The following TMEM132C variants were observed in gnomAD, a reference collection of about 807,000 sequenced individuals.
The protein encoded by TMEM132C is transmembrane protein 132C.
Under a neutral mutation model 61.4 loss-of-function variants are expected in TMEM132C, and 29 were observed. That is an observed-to-expected ratio of 0.47 (90% CI 0.35 to 0.64). The LOEUF (loss-of-function observed/expected upper bound fraction) is 0.64. Among genes scored for constraint, TMEM132C ranks in the 30% least tolerant of loss-of-function variants. The probability of loss-of-function intolerance (pLI) is 0.00; values close to 1 mark genes in which losing one functional copy is unlikely to be tolerated. For synonymous variants in TMEM132C, 656 were observed against 633.1 expected, an observed-to-expected ratio of 1.04 and a Z score of -0.54; for missense variants, 1,408 against 1,476.9, an observed-to-expected ratio of 0.95 and a Z score of 0.76.
Position 128,571,865 on chromosome 12 carries a change from G to A in TMEM132C, c.1121+27762G>A, listed in dbSNP as rs575793585. 7.8e-4 allele frequency among the ~76,000 whole-genome samples: 118 copies of A among 152,248 alleles called. No homozygotes were observed. In the Middle Eastern group the frequency reaches 0.02, roughly 26 times the overall value. On this transcript the variant is annotated intron_variant, in intron 3 of 8. Coordinates refer to ENST00000435159, the MANE Select transcript of TMEM132C (RefSeq NM_001136103.3). ...TTAGAGGCAGATTTTCCTTTCCCCC[G>A]TACCAGGTCTTCATCTTCTTAGATA...
intron 4 of TMEM132C, among the ~76,000 whole-genome samples, chr12:128,627,806 T>A (rs1954030359): frequency 6.6e-6 from 1 of 152,128 alleles, no homozygotes; most frequent in Non-Finnish European, 1.5e-5. Context: ...GAGTCAGGCC[T>A]CCGTGCCCAG....
At chr12:128,487,764 C>A (rs186060100) in intron 2 of TMEM132C, among the ~76,000 whole-genome samples, 1 of 151,986 alleles carries the variant, frequency 6.6e-6, no homozygotes, top group Non-Finnish European at 1.5e-5. Flanking sequence ...CCCTGGGGCC[C>A]CTTCATAGTC....
chr12:128,479,199 G>A (rs1871246460), intron 2 of TMEM132C, among the ~76,000 whole-genome samples: 1 of 152,178 alleles, frequency 6.6e-6, no homozygotes, highest in Non-Finnish European at 1.5e-5. Flanking sequence ...CAGATGCTGG[G>A]GCCTTTCAGA....
chr12:128,329,743 C>T (rs1361189469), intron 1 of TMEM132C, among the ~76,000 whole-genome samples: 3 of 152,048 alleles, frequency 2.0e-5, no homozygotes, highest in Non-Finnish European at 4.4e-5. Flanking sequence ...AGAGCTGGAC[C>T]CCATGGAGAA....
At chr12:128,673,577 G>C (rs560898098) in intron 5 of TMEM132C, among the ~76,000 whole-genome samples, 2 of 125,384 alleles carry the variant, frequency 1.6e-5, no homozygotes, top group East Asian at 4.9e-4. Flanking sequence ...TTCCAAGACT[G>C]TTCACTATAT....
intron 8 of TMEM132C, among the ~76,000 whole-genome samples, chr12:128,702,506 G>A (rs899509595): frequency 6.6e-6 from 1 of 152,022 alleles, no homozygotes; most frequent in Non-Finnish European, 1.5e-5. Flanking sequence ...TCACCTTCCT[G>A]TGTAAATGTT....
chr12:128,602,451 C>T (rs189910461), intron 3 of TMEM132C, among the ~76,000 whole-genome samples: 17 of 152,346 alleles, frequency 1.1e-4, no homozygotes, highest in African/African-American at 3.6e-4. Flanking sequence ...GCCTGATCTG[C>T]CCAAGATTGA....
At position 128,415,339 on chromosome 12, in the gene TMEM132C, C is replaced by T. The variant is rs772416258; in HGVS notation, c.693C>T (p.Thr231=). The T allele has an allele frequency of 7.8e-5, 123 of 1,583,332 alleles. No individual in the cohort carries two copies. Among genetic ancestry groups the T allele is most frequent in the Non-Finnish European group, 9.8e-5 (114 of 1,163,506 alleles). ...PEGTPVELYY[T]VHPGNERGDC... is the part of the protein sequence containing the mutation. ...GGACCCCTGTGGAGCTCTACTACAC[C>T]GTGCACCCAGGAAACGAGCGAGGGG... Residue 231 remains threonine, a synonymous_variant, in exon 2 of 9, where the codon ACC becomes ACT. Transcript: ENST00000435159. This position sits in a 1 kb window ranked among gnomAD's most constrained non-coding sequence, Gnocchi z 5.8.
intron 4 of TMEM132C, 48 bp from the exon 5 acceptor site, chr12:128,669,369 A>C (rs1354703579): frequency 1.3e-6 from 2 of 1,545,592 alleles, no homozygotes; most frequent in Non-Finnish European, 1.7e-6. Context: ...AGTTCCCAAC[A>C]GAATGGAATA....
intron 1 of TMEM132C, among the ~76,000 whole-genome samples, chr12:128,285,055 G>C (rs1432301725): frequency 6.6e-6 from 1 of 152,148 alleles, no homozygotes; most frequent in Non-Finnish European, 1.5e-5. Flanking sequence ...GAGGTAGGAG[G>C]ATTGTTGACC....
At chr12:128,508,773 C>T (rs1051222723) in intron 2 of TMEM132C, among the ~76,000 whole-genome samples, 1 of 152,214 alleles carries the variant, frequency 6.6e-6, no homozygotes, top group African/African-American at 2.4e-5. Flanking sequence ...TAGCTGTTGA[C>T]ACCCGTGCTC....
At chr12:128,410,385 ATATATG>A (rs980559291) in intron 1 of TMEM132C, among the ~76,000 whole-genome samples, 3 of 152,166 alleles carry the variant, frequency 2.0e-5, no homozygotes, top group Admixed American at 6.5e-5. Flanking sequence ...ACACACACAT[ATATATG>A]TATATGTATA....
At chr12:128,462,766 C>A (rs559422155) in intron 2 of TMEM132C, among the ~76,000 whole-genome samples, 2 of 152,194 alleles carry the variant, frequency 1.3e-5, no homozygotes, top group South Asian at 4.1e-4. Context: ...ATGCTTGTAA[C>A]CTTGATGAAG....
chr12:128,411,299 G>A (rs1482566348), intron 1 of TMEM132C, among the ~76,000 whole-genome samples: 1 of 152,184 alleles, frequency 6.6e-6, no homozygotes, highest in Non-Finnish European at 1.5e-5. Flanking sequence ...TCACCGGATA[G>A]TTTTAGCATC....
In TMEM132C at chr12:128,447,636, G is replaced by A. The variant is rs142096367; in HGVS notation, c.974+32016G>A. On this transcript the variant is annotated intron_variant, in intron 2 of 8. Transcript: ENST00000435159. ...TGGCTCACTGAATTTCTCATTTAAC[G>A]TTTGGCCTTCATAAGCGAGTAAGAG... Among the ~76,000 whole-genome samples, 79 of 145,666 alleles carry A rather than the reference G, an allele frequency of 5.4e-4. No homozygotes were observed. The East Asian group carries it at 8.0e-3, about 15-fold the overall frequency.
chr12:128,641,372 G>A (rs1248294267), intron 4 of TMEM132C, among the ~76,000 whole-genome samples: 1 of 152,206 alleles, frequency 6.6e-6, no homozygotes, highest in Admixed American at 6.5e-5. Flanking sequence ...CCACGTACCT[G>A]TAAATATGAC....
intron 4 of TMEM132C, among the ~76,000 whole-genome samples, chr12:128,642,750 C>A (rs1395274682): frequency 2.6e-5 from 4 of 152,156 alleles, no homozygotes; most frequent in Non-Finnish European, 5.9e-5. Context: ...AGTTACTCAG[C>A]CTCAGATAAT....
chr12:128,430,848 C>T (rs1336539122), intron 2 of TMEM132C, among the ~76,000 whole-genome samples: 2 of 152,196 alleles, frequency 1.3e-5, no homozygotes, highest in Non-Finnish European at 2.9e-5. Context: ...TTGACTGCTC[C>T]ACTGACTGGC....
At position 128,705,928 on chromosome 12, in the gene TMEM132C, C is replaced by G; in HGVS notation, c.2960C>G (p.Ala987Gly). 6.4e-7 allele frequency: 1 copy of G among 1,551,364 alleles called. No homozygotes were observed. Among genetic ancestry groups the G allele is most frequent in the Non-Finnish European group, 8.7e-7 (1 of 1,146,924 alleles). Residue 987 changes from alanine (A) to glycine (G), a missense_variant, in exon 9 of 9, where the codon GCG (alanine) becomes GGG (glycine). Coordinates refer to ENST00000435159, the MANE Select transcript of TMEM132C (RefSeq NM_001136103.3). ...GAACTCCTGGAGAGCATGGGGGATGCGCCGCCGCCCCAGGACGAGCACACC... is the reference window on the plus strand; with the variant it reads ...GAACTCCTGGAGAGCATGGGGGATGGGCCGCCGCCCCAGGACGAGCACACC... ...EAELLESMGD[A>G]PPPQDEHTTI...
Sources: gnomAD v4.1 joint callset for allele counts (sites outside exome capture counted in the v4.1 genomes callset) on GRCh38, gnomAD v4.1.1 for gene constraint, Gnocchi (gnomAD v3.1) non-coding constraint, MANE v1.5 for transcripts, NCBI Gene and HGNC (gene_info 2026-07-23, HGNC 2026-07-21) for gene names.